The following PXDNL variants were observed in gnomAD, a reference collection of about 807,000 sequenced individuals.
PXDNL encodes the protein peroxidasin like.
A neutral mutation model predicts 150.8 loss-of-function variants in PXDNL; 145 were observed. The observed-to-expected ratio is 0.96, with a 90% CI of 0.84 to 1.10. The LOEUF (loss-of-function observed/expected upper bound fraction) is 1.10. PXDNL is among the 50% of genes least tolerant of loss of function. The probability of loss-of-function intolerance (pLI) is 0.00; values close to 1 mark genes in which losing one functional copy is unlikely to be tolerated. For synonymous variants in PXDNL, 757 were observed against 725.7 expected, an observed-to-expected ratio of 1.04 and a Z score of -0.69; for missense variants, 2,087 against 1,873.9, an observed-to-expected ratio of 1.11 and a Z score of -2.10.
At chr8:51,593,416 T>C (rs1338940235) in intron 2 of PXDNL, among the ~76,000 whole-genome samples, 2 of 152,266 alleles carry the variant, frequency 1.3e-5, no homozygotes, top group South Asian at 4.1e-4. Context: ...CATGTCTAAA[T>C]ATAGAGGGAA....
At chr8:51,449,600 C>A (rs1809757697) in intron 10 of PXDNL, among the ~76,000 whole-genome samples, 1 of 152,168 alleles carries the variant, frequency 6.6e-6, no homozygotes, top group African/African-American at 2.4e-5. Flanking sequence ...TTGAAAAAGT[C>A]ATATTTATGT....
chr8:51,696,109 A>G (rs1338159105), intron 1 of PXDNL, among the ~76,000 whole-genome samples: 1 of 152,214 alleles, frequency 6.6e-6, no homozygotes, highest in Non-Finnish European at 1.5e-5. Context: ...CACTTGATAC[A>G]GCAATGAAAA....
intron 2 of PXDNL, among the ~76,000 whole-genome samples, chr8:51,606,875 A>G (rs150445436): frequency 6.6e-6 from 1 of 152,308 alleles, no homozygotes; most frequent in East Asian, 1.9e-4. Flanking sequence ...CAAGTGCTCA[A>G]CAGGCACCCA....
chr8:51,438,491 G>A (rs3891795), intron 12 of PXDNL, among the ~76,000 whole-genome samples: 28,087 of 152,014 alleles, frequency 0.18, 2,885 homozygotes, highest in East Asian at 0.32. Flanking sequence ...CAAAGCAGGC[G>A]GATCATGAGG....
intron 21 of PXDNL, among the ~76,000 whole-genome samples, chr8:51,330,729 C>T (rs1042129700): frequency 2.6e-5 from 4 of 152,174 alleles, no homozygotes; most frequent in Admixed American, 2.6e-4. Context: ...ACCCTTTGAA[C>T]CCCTAAAATT....
chr8:51,694,642 T>C (rs1816077353), intron 1 of PXDNL, among the ~76,000 whole-genome samples: 1 of 152,234 alleles, frequency 6.6e-6, no homozygotes, highest in Non-Finnish European at 1.5e-5. Flanking sequence ...CAAAGTCATC[T>C]GGGGTTTTTC....
chr8:51,644,339 C>CATATATATATATATATAT (rs1814858877), intron 2 of PXDNL, among the ~76,000 whole-genome samples: 1 of 41,206 alleles, frequency 2.4e-5, no homozygotes, highest in Admixed American at 3.2e-4. Flanking sequence ...TATATATATA[C>CATATATATATATATATAT]ACACACACAC....
At chr8:51,511,717 C>G (rs1317090460) in intron 4 of PXDNL, among the ~76,000 whole-genome samples, 1 of 152,156 alleles carries the variant, frequency 6.6e-6, no homozygotes, top group Non-Finnish European at 1.5e-5. Flanking sequence ...CATCAATCAC[C>G]AACCAATCAA....
intron 17 of PXDNL, among the ~76,000 whole-genome samples, chr8:51,390,888 C>A (rs1807880429): frequency 6.6e-6 from 1 of 152,022 alleles, no homozygotes; most frequent in South Asian, 2.1e-4. Context: ...AATGCTATCC[C>A]TCCCCCCTCC....
chr8:51,441,274 C>G (rs1386304601), intron 12 of PXDNL, among the ~76,000 whole-genome samples: 1 of 152,166 alleles, frequency 6.6e-6, no homozygotes, highest in East Asian at 1.9e-4. Context: ...CCAATTAAAC[C>G]TCTTTTCTTT....
intron 8 of PXDNL, among the ~76,000 whole-genome samples, chr8:51,471,890 G>A (rs1821111): frequency 0.16 from 24,862 of 151,922 alleles, 2,285 homozygotes; most frequent in Middle Eastern, 0.25. Context: ...GTTTCACCGT[G>A]TTAGCCAGGA....
chr8:51,392,059 C>A (rs1427348531), intron 17 of PXDNL, among the ~76,000 whole-genome samples: 3 of 152,050 alleles, frequency 2.0e-5, no homozygotes, highest in Non-Finnish European at 4.4e-5. Flanking sequence ...AGATATGTGA[C>A]GTTATTTCTA....
intron 1 of PXDNL, among the ~76,000 whole-genome samples, chr8:51,774,589 C>T (rs1472975146): frequency 1.4e-4 from 21 of 152,028 alleles, no homozygotes; most frequent in African/African-American, 2.2e-4. Flanking sequence ...GAGGCTGAGG[C>T]GGGTGGATCA....
At chr8:51,688,290 G>A (rs1815918310) in intron 1 of PXDNL, among the ~76,000 whole-genome samples, 1 of 152,006 alleles carries the variant, frequency 6.6e-6, no homozygotes, top group Non-Finnish European at 1.5e-5. Context: ...CAAAGAGACT[G>A]TGACCTTATC....
intron 8 of PXDNL, among the ~76,000 whole-genome samples, chr8:51,461,732 G>A (rs577766620): frequency 6.6e-6 from 1 of 152,292 alleles, no homozygotes; most frequent in Admixed American, 6.5e-5. Context: ...GCCTGTCAGG[G>A]CCCCTTTGGG....
intron 1 of PXDNL, among the ~76,000 whole-genome samples, chr8:51,795,904 C>T (rs758122915): frequency 1.5e-4 from 23 of 152,182 alleles, no homozygotes; most frequent in Non-Finnish European, 2.9e-4. Context: ...CTGGTCACCC[C>T]GACCCTGGAG....
At chr8:51,671,888 G>A (rs1352556393) in intron 1 of PXDNL, among the ~76,000 whole-genome samples, 1 of 152,208 alleles carries the variant, frequency 6.6e-6, no homozygotes, top group Non-Finnish European at 1.5e-5. Context: ...ACAAATTTGA[G>A]TTATTTGAAG....
At position 51,534,371 on chromosome 8, in the gene PXDNL, G is replaced by A. The variant is rs1255705941; in HGVS notation, c.380+22469C>T. Among the ~76,000 whole-genome samples the A allele has an allele frequency of 5.9e-5, 8 of 135,004 alleles. 1 individual carries two copies. Among genetic ancestry groups the A allele is most frequent in the East Asian group, 2.3e-4 (1 of 4,282 alleles). The allele number at this position is 135,004 out of a possible 152,430, so 88.6% of individuals were successfully genotyped here. A position where few individuals can be genotyped will look rare whatever the true frequency, so the allele number is the denominator to read the frequency against. On this transcript the variant is annotated intron_variant, in intron 4 of 22. Coordinates refer to ENST00000356297, the MANE Select transcript of PXDNL (RefSeq NM_144651.5). ...GGGAGGTGGGGGGGGGTCAGCCCCCGCCAGGCCAGCCGCCCAGTCCGGGAG... is the reference window on the plus strand; with the variant it reads ...GGGAGGTGGGGGGGGGTCAGCCCCCACCAGGCCAGCCGCCCAGTCCGGGAG...
At chr8:51,800,733 C>T (rs986688406) in intron 1 of PXDNL, among the ~76,000 whole-genome samples, 2 of 152,180 alleles carry the variant, frequency 1.3e-5, no homozygotes, top group African/African-American at 4.8e-5. Context: ...GTGAAGATTT[C>T]ATGGACATTT....
Sources: gnomAD v4.1 joint callset for allele counts (sites outside exome capture counted in the v4.1 genomes callset) on GRCh38, gnomAD v4.1.1 for gene constraint, MANE v1.5 for transcripts, NCBI Gene and HGNC (gene_info 2026-07-23, HGNC 2026-07-21) for gene names.